The following MED23 variants were observed in gnomAD, a reference collection of about 807,000 sequenced individuals.
MED23 encodes the protein mediator of RNA polymerase II transcription subunit 23.
In MED23, 105 loss-of-function variants were observed where a neutral mutation model predicts 163.9. The ratio of observed to expected loss-of-function variants is 0.64; its 90% CI spans 0.55 to 0.75. The LOEUF is 0.75. Among genes scored for constraint, MED23 ranks in the 30% least tolerant of loss-of-function variants. The probability of loss-of-function intolerance (pLI) is 0.00; values close to 1 mark genes in which losing one functional copy is unlikely to be tolerated. For synonymous variants in MED23, 561 were observed against 565.6 expected (o/e 0.99, Z 0.12); for missense variants, 1,054 against 1,649.0 (o/e 0.64, Z 6.25).
chr6:131,621,697 A>G (rs1000231540), intron 6 of MED23, among the ~76,000 whole-genome samples, 184 bp downstream of exon 6: 1 of 152,222 alleles, frequency 6.6e-6, no homozygotes, highest in African/African-American at 2.4e-5. Context: ...AAAACCATGA[A>G]TTAAAATTTA....
intron 23 of MED23, 44 bp downstream of exon 23, chr6:131,594,055 A>C (rs1237147805): frequency 1.4e-6 from 2 of 1,455,458 alleles, no homozygotes; most frequent in African/African-American, 2.8e-5. Flanking sequence ...ATAAATCAAA[A>C]TACTGTTATT....
chr6:131,579,190 A>G lies in MED23; in HGVS notation c.4096-4895T>C, dbSNP rs745580041. 1.9e-6 allele frequency: 3 copies of G among 1,613,988 alleles called. No individual in the cohort carries two copies. Among genetic ancestry groups the G allele is most frequent in the Non-Finnish European group, 1.7e-6 (2 of 1,180,024 alleles). ...GTCCCTTTCAAATTGTGAAGAATCC[A>G]AGGTCTGTGGGAAAAGCAAGCGAGC... On this transcript the variant is annotated intron_variant, in intron 30 of 30. Transcript: ENST00000354577.
chr6:131,594,889 C>CT (rs1774933391), intron 22 of MED23, among the ~76,000 whole-genome samples: 2 of 152,220 alleles, frequency 1.3e-5, no homozygotes, highest in Admixed American at 6.5e-5. Context: ...GTAACACTGG[C>CT]TGCCTACGAA....
intron 16 of MED23, 115 bp downstream of exon 16, chr6:131,602,915 A>G: frequency 1.8e-6 from 2 of 1,096,426 alleles, no homozygotes; most frequent in South Asian, 2.9e-5. Context: ...AAGTTTTATG[A>G]CAGATGAATA....
chr6:131,619,959 C>T (rs558534791), intron 7 of MED23, 63 bp from the exon 8 acceptor site: 25 of 967,978 alleles, frequency 2.6e-5, no homozygotes, highest in Middle Eastern at 2.1e-4. Flanking sequence ...TGAGACTGCC[C>T]CTGAAATATA....
intron 14 of MED23, among the ~76,000 whole-genome samples, chr6:131,604,826 A>G (rs1775738710): frequency 1.3e-5 from 2 of 152,200 alleles, no homozygotes; most frequent in African/African-American, 4.8e-5. Context: ...GGAGGCCCAC[A>G]GACAAATTCT....
rs896925563 is a variant in MED23, at chr6:131,590,406, G to A, written c.3723C>T (p.Thr1241=). 18 of 1,607,178 alleles carry A rather than the reference G, an allele frequency of 1.1e-5. No individual in the cohort carries two copies. The highest frequency in any genetic ancestry group is 1.4e-5 in the Non-Finnish European group (17 of 1,174,154). The change falls in exon 27 of 29, where the codon ACC becomes ACT. Residue 1241 remains threonine, a synonymous_variant. Coordinates refer to ENST00000368068, the MANE Select transcript of MED23 (RefSeq NM_004830.4). ...GGTATACATAAAGCAACTGGAATTC[G>A]GTCTTCACTATAGGAAGAAGTACTT... is the stretch of plus-strand genomic sequence containing the variant. The part of the protein sequence containing the change: ...LTEVLLPIVK[T]EFQLLYVYHL...
At position 131,628,094 on chromosome 6, in the gene MED23, G is replaced by C. The variant is rs1466815614; in HGVS notation, c.-45C>G. 1 of 1,608,828 alleles carries C rather than the reference G, an allele frequency of 6.2e-7. No homozygotes were observed. Among genetic ancestry groups the C allele is most frequent in the Non-Finnish European group, 8.5e-7 (1 of 1,176,196 alleles). ...TTTCCAGGGTGCCCGGCAAGGCCCG[G>C]ATCAGACTCGAGCTCTGGGAATATA... On this transcript the variant is annotated 5_prime_UTR_variant, in exon 1 of 29. In the 5' UTR this introduces an upstream ATG that the reference lacks. Transcript: ENST00000368068.
At chr6:131,615,751 G>T in intron 10 of MED23, 156 bp downstream of exon 10, 1 of 675,228 alleles carries the variant, frequency 1.5e-6, no homozygotes, top group Non-Finnish European at 2.6e-6. Flanking sequence ...ATATATAAAT[G>T]ATAGGAATAA....
At chr6:131,583,129 G>A (rs760873925), downstream of MED23, 7 of 1,613,958 alleles carry the variant, frequency 4.3e-6, no homozygotes, top group East Asian at 1.3e-4. Flanking sequence ...GAATTGGCAA[G>A]GTGATGGAAG....
chr6:131,602,700 G>C, intron 16 of MED23, among the ~76,000 whole-genome samples: 1 of 152,054 alleles, frequency 6.6e-6, no homozygotes. Flanking sequence ...CAAAATCAAT[G>C]TGACATGATA....
intron 17 of MED23, among the ~76,000 whole-genome samples, chr6:131,600,725 G>T (rs1226248515): frequency 6.6e-6 from 1 of 151,472 alleles, no homozygotes; most frequent in African/African-American, 2.5e-5. Context: ...ATTCAATGAG[G>T]TCAAATAATA....
intron 10 of MED23, among the ~76,000 whole-genome samples, chr6:131,614,541 GA>G (rs1469027917): frequency 6.6e-6 from 1 of 152,184 alleles, no homozygotes; most frequent in East Asian, 1.9e-4. Flanking sequence ...TCCTGGAACA[GA>G]CTTGGGACTG....
Position 131,604,162 on chromosome 6 carries a change from G to A in MED23, c.1756+16C>T. 1 of 1,602,852 alleles carries A rather than the reference G, an allele frequency of 6.2e-7. No individual in the cohort carries two copies. The highest frequency in any genetic ancestry group is 2.3e-5 in the East Asian group (1 of 44,304). ...AATGGGTTAATAGTTATAAACACCA[G>A]AAAGTCCTGTCTTACTGATAAATCC... On this transcript the variant is annotated intron_variant, in intron 15 of 28. Coordinates refer to ENST00000368068, the MANE Select transcript of MED23 (RefSeq NM_004830.4).
intron 14 of MED23, among the ~76,000 whole-genome samples, 168 bp from the exon 15 acceptor site, chr6:131,604,488 C>A (rs548244564): frequency 2.0e-5 from 3 of 152,304 alleles, no homozygotes; most frequent in African/African-American, 7.2e-5. Context: ...GGATGCACTG[C>A]ACAATCTGAG....
chr6:131,592,283 T>A, intron 25 of MED23, 105 bp downstream of exon 25: 1 of 924,860 alleles, frequency 1.1e-6, no homozygotes, highest in Non-Finnish European at 1.8e-6. Flanking sequence ...TTAATTTGCA[T>A]GACGTCCCGT....
At chr6:131,603,324 C>T in intron 15 of MED23, 120 bp from the exon 16 acceptor site, 2 of 916,542 alleles carry the variant, frequency 2.2e-6, no homozygotes, top group South Asian at 1.4e-5. Context: ...CACGCCCACA[C>T]ACATATATAT....
intron 5 of MED23, among the ~76,000 whole-genome samples, chr6:131,622,383 T>A (rs1272132898): frequency 6.6e-6 from 1 of 152,336 alleles, no homozygotes; most frequent in East Asian, 1.9e-4. Context: ...CACTCCCTTT[T>A]GTGCTGGGAT....
At chr6:131,602,153 A>G in intron 17 of MED23, 65 bp downstream of exon 17, 6 of 1,510,912 alleles carry the variant, frequency 4.0e-6, no homozygotes, top group Non-Finnish European at 5.5e-6. Context: ...CAACTATAGT[A>G]ATTAGTAGAA....
Sources: gnomAD v4.1 joint callset for allele counts (sites outside exome capture counted in the v4.1 genomes callset) on GRCh38, gnomAD v4.1.1 for gene constraint, MANE v1.5 for transcripts, NCBI Gene and HGNC (gene_info 2026-07-23, HGNC 2026-07-21) for gene names.